The following CEP290 variants were observed in gnomAD, a reference collection of about 807,000 sequenced individuals.
CEP290 encodes centrosomal protein 290.
Under a neutral mutation model 344.9 loss-of-function variants are expected in CEP290, and 317 were observed. That is an observed-to-expected ratio of 0.92 (90% CI 0.84 to 1.01). The LOEUF (loss-of-function observed/expected upper bound fraction) is 1.01. Ranked by LOEUF, CEP290 falls within the 50% of genes least tolerant of loss-of-function variation. The probability of loss-of-function intolerance (pLI) is 0.00; values close to 1 mark genes in which losing one functional copy is unlikely to be tolerated. For missense variants in CEP290, 2,754 were observed against 2,761.4 expected (o/e 1.00, Z 0.06); for synonymous variants, 932 against 895.8 (o/e 1.04, Z -0.72).
rs2039897317 is a variant in CEP290, at chr12:88,128,945, C to G, written c.942+1G>C. On this transcript the variant is annotated splice_donor_variant, in intron 11 of 53. Transcript: ENST00000552810. LOFTEE classifies it high-confidence loss of function. ...TTATTATGTCAATTGAAAAAAAATACCTTCCATTCTTCTACTTTTGCATTG... is the reference window on the plus strand; with the variant it reads ...TTATTATGTCAATTGAAAAAAAATAGCTTCCATTCTTCTACTTTTGCATTG... The G allele has an allele frequency of 6.7e-7, 1 of 1,495,122 alleles. No homozygotes were observed. Among genetic ancestry groups the G allele is most frequent in the Non-Finnish European group, 8.9e-7 (1 of 1,129,672 alleles). 92.6% of individuals were successfully genotyped at this position (1,495,122 alleles called of 1,614,324 possible).
At chr12:88,116,993 AAT>A (rs750112642) in intron 18 of CEP290, 38 bp downstream of exon 18, 28 of 1,058,414 alleles carry the variant, frequency 2.6e-5, no homozygotes, top group African/African-American at 1.3e-4. Context: ...AAAAAAAAAA[AAT>A]ATTTTCCTTT....
intron 49 of CEP290, among the ~76,000 whole-genome samples, chr12:88,057,247 T>C (rs1464401579): frequency 6.6e-6 from 1 of 152,154 alleles, no homozygotes; most frequent in Non-Finnish European, 1.5e-5. Context: ...ATAGTAAGAA[T>C]TAGGGTCTTT....
rs538308921 is a variant in CEP290 at position 88,099,074 on chromosome 12, G to T, written c.2992-2075C>A. On this transcript the variant is annotated intron_variant, in intron 26 of 53. Coordinates refer to ENST00000552810, the MANE Select transcript of CEP290 (RefSeq NM_025114.4). ...TGGCTGCACTGTGGAGAATAAAGGG[G>T]TCAATAGAGAAATCAGGGAAACTAG... Among the ~76,000 whole-genome samples, 13 of 152,320 alleles carry T rather than the reference G, an allele frequency of 8.5e-5. No individual in the cohort carries two copies. The South Asian group carries it at 2.7e-3, about 32-fold the overall frequency.
At position 88,063,853 on chromosome 12, in the gene CEP290, G is replaced by A. The variant is rs139198432; in HGVS notation, c.6270+128C>T. On this transcript the variant is annotated intron_variant, in intron 45 of 53. Coordinates refer to ENST00000552810, the MANE Select transcript of CEP290 (RefSeq NM_025114.4). ...AAATGCTAAAGAGCAAATGTATAAA[G>A]TATACCATCACCATGATATATTAGG... is the stretch of plus-strand genomic sequence containing the variant. 66 of 739,664 alleles carry A rather than the reference G, an allele frequency of 8.9e-5. 1 individual carries two copies. In the African/African-American group the frequency reaches 9.1e-4, roughly 10 times the overall value. The allele number at this position is 739,664 out of a possible 1,614,324, so 45.8% of individuals were successfully genotyped here. A position where few individuals can be genotyped will look rare whatever the true frequency, so the allele number is the denominator to read the frequency against.
At chr12:88,128,822 T>C in intron 11 of CEP290, 124 bp downstream of exon 11, 1 of 544,562 alleles carries the variant, frequency 1.8e-6, no homozygotes, top group Non-Finnish European at 3.0e-6. Flanking sequence ...TAAAATAAAC[T>C]TATGTTTAAA....
chr12:88,070,491 A>G (rs1375031556), intron 43 of CEP290, among the ~76,000 whole-genome samples: 1 of 151,744 alleles, frequency 6.6e-6, no homozygotes, highest in Non-Finnish European at 1.5e-5. Flanking sequence ...TTTTTCTTCT[A>G]TCTGTTCTTT....
rs1250515491 is a variant in CEP290 at position 88,125,341 on chromosome 12, T to G, written c.1094A>C (p.Lys365Thr). ...QGIQERDSQI[K>T]MLTEQVEQYT... ...TTGTTCTACTTGTTCGGTGAGCATC[T>G]TAATTTGACTGTCTCGTTCCTGTAT... The change falls in exon 13 of 54, where the codon AAG becomes ACG. Residue 365 changes from lysine to threonine, a missense_variant. By Grantham distance (78) the Lys-to-Thr change is moderately conservative (BLOSUM62 -1). Coordinates refer to ENST00000552810, the MANE Select transcript of CEP290 (RefSeq NM_025114.4). 1.5e-6 allele frequency: 2 copies of G among 1,321,700 alleles called. No individual in the cohort carries two copies. The highest frequency in any genetic ancestry group is 5.9e-5 in the Admixed American group (2 of 33,624). The allele number at this position is 1,321,700 out of a possible 1,614,324, so 81.9% of individuals were successfully genotyped here. A position where few individuals can be genotyped will look rare whatever the true frequency, so the allele number is the denominator to read the frequency against.
intron 52 of CEP290, among the ~76,000 whole-genome samples, chr12:88,051,194 C>CTTTTTTTTTTT (rs11321423): frequency 1.2e-5 from 1 of 86,432 alleles, no homozygotes; most frequent in Non-Finnish European, 2.5e-5. Context: ...GGACAAGTAT[C>CTTTTTTTTTTT]TTTTTTTTTT....
chr12:88,118,790 AGCTGC>A (rs1232729961), intron 15 of CEP290, 47 bp from the exon 16 acceptor site: 1 of 1,394,622 alleles, frequency 7.2e-7, no homozygotes, highest in Non-Finnish European at 9.9e-7. Flanking sequence ...CATTCAAATA[AGCTGC>A]AAAAATGTCA....
intron 3 of CEP290, 81 bp downstream of exon 3, chr12:88,140,875 C>A: frequency 2.3e-6 from 2 of 872,582 alleles, no homozygotes; most frequent in African/African-American, 1.8e-5. Flanking sequence ...GGTATTTTCA[C>A]AAAGATTACC....
chr12:88,084,212 A>G (rs1395933678), intron 35 of CEP290, among the ~76,000 whole-genome samples: 1 of 152,142 alleles, frequency 6.6e-6, no homozygotes, highest in Non-Finnish European at 1.5e-5. Flanking sequence ...ACTTACTTCT[A>G]GAAAAAATTA....
intron 50 of CEP290, among the ~76,000 whole-genome samples, chr12:88,055,219 T>C (rs1161090698): frequency 6.6e-6 from 1 of 152,094 alleles, no homozygotes; most frequent in Non-Finnish European, 1.5e-5. Flanking sequence ...TAGGGTGAAA[T>C]AATCCAAGAG....
intron 27 of CEP290, among the ~76,000 whole-genome samples, chr12:88,095,236 G>C (rs1425447343): frequency 1.3e-5 from 2 of 152,110 alleles, no homozygotes; most frequent in Non-Finnish European, 2.9e-5. Context: ...AAGCAGACTA[G>C]CCATCTTGTA....
intron 44 of CEP290, among the ~76,000 whole-genome samples, chr12:88,066,417 T>G (rs2034933943): frequency 6.6e-6 from 1 of 151,326 alleles, no homozygotes; most frequent in Admixed American, 6.6e-5. Flanking sequence ...TGCCCACCTC[T>G]GCCTCCCGAG....
At chr12:88,055,541 TA>T (rs1326685147) in intron 50 of CEP290, 34 bp downstream of exon 50, 1 of 1,519,946 alleles carries the variant, frequency 6.6e-7, no homozygotes, top group Non-Finnish European at 8.9e-7. Context: ...TATTATGCAT[TA>T]TTTTATCATG....
chr12:88,065,720 A>G (rs1376619495), intron 44 of CEP290, among the ~76,000 whole-genome samples: 7 of 152,326 alleles, frequency 4.6e-5, no homozygotes, highest in African/African-American at 1.7e-4. Context: ...GGGTAATTCT[A>G]TCTAAGGAAG....
intron 26 of CEP290, among the ~76,000 whole-genome samples, chr12:88,102,139 G>A (rs1463505339): frequency 6.6e-6 from 1 of 152,134 alleles, no homozygotes; most frequent in African/African-American, 2.4e-5. Context: ...CAAATCAGGA[G>A]CTTGTTCTGT....
Position 88,111,619 on chromosome 12 carries a change from T to A in CEP290, c.2217+75A>T, listed in dbSNP as rs542881704. ...GGCATTTTCTCATAAAGCATTCTTT[T>A]TAAAAAATTAAAAATTTCCTATTAA... On this transcript the variant is annotated intron_variant, in intron 21 of 53. Coordinates refer to ENST00000552810, the MANE Select transcript of CEP290 (RefSeq NM_025114.4). 139 of 1,279,988 alleles carry A rather than the reference T, an allele frequency of 1.1e-4. No homozygotes were observed. The African/African-American group carries it at 2.1e-3, about 19-fold the overall frequency. The allele number at this position is 1,279,988 out of a possible 1,614,324, so 79.3% of individuals were successfully genotyped here. A position where few individuals can be genotyped will look rare whatever the true frequency, so the allele number is the denominator to read the frequency against.
intron 50 of CEP290, among the ~76,000 whole-genome samples, chr12:88,054,725 G>C (rs984588107): frequency 6.6e-6 from 1 of 152,106 alleles, no homozygotes; most frequent in Admixed American, 6.6e-5. Context: ...GTGCCAGATG[G>C]TAGGAAGAGC....
Sources: gnomAD v4.1 joint callset for allele counts (sites outside exome capture counted in the v4.1 genomes callset) on GRCh38, gnomAD v4.1.1 for gene constraint, MANE v1.5 for transcripts, NCBI Gene and HGNC (gene_info 2026-07-23, HGNC 2026-07-21) for gene names.